The following NEXMIF variants were observed in gnomAD, a reference collection of about 807,000 sequenced individuals.
NEXMIF encodes the protein neurite extension and migration factor.
NEXMIF carries 8 observed loss-of-function variants against 62.1 expected under a neutral mutation model. The ratio of observed to expected loss-of-function variants is 0.13; its 90% CI spans 0.08 to 0.23. NEXMIF has a LOEUF of 0.23. Among genes scored for constraint, NEXMIF ranks in the 10% least tolerant of loss-of-function variants. NEXMIF has a pLI of 1.00. For missense variants in NEXMIF, 976 were observed against 1,113.3 expected (o/e 0.88, Z 1.75); for synonymous variants, 404 against 416.6 (o/e 0.97, Z 0.37).
chrX:74,848,040 G>A (rs778760584), intron 1 of NEXMIF, among the ~76,000 whole-genome samples: 1 of 110,791 alleles, frequency 9.0e-6, no homozygotes, highest in East Asian at 2.8e-4. Flanking sequence ...CTTATGTCTG[G>A]TCTAGACTGC....
intron 1 of NEXMIF, among the ~76,000 whole-genome samples, chrX:74,863,416 C>T (rs1326618176): frequency 9.0e-6 from 1 of 110,812 alleles, no homozygotes; most frequent in Admixed American, 9.6e-5. Flanking sequence ...ATCAAATAAA[C>T]ACAACAAAAA....
intron 1 of NEXMIF, among the ~76,000 whole-genome samples, chrX:74,748,235 A>G (rs1005135955): frequency 1.8e-5 from 2 of 112,093 alleles, no homozygotes; most frequent in African/African-American, 6.5e-5. Context: ...TGAGTATCAC[A>G]GATATTAACT....
intron 1 of NEXMIF, among the ~76,000 whole-genome samples, chrX:74,855,634 T>C (rs1475307841): frequency 8.9e-6 from 1 of 112,006 alleles, no homozygotes; most frequent in African/African-American, 3.2e-5. Flanking sequence ...GAAAAAGGCC[T>C]AAGCTCCCAC....
intron 1 of NEXMIF, among the ~76,000 whole-genome samples, chrX:74,750,361 G>A (rs1399926867): frequency 9.0e-6 from 1 of 111,693 alleles, no homozygotes; most frequent in Non-Finnish European, 1.9e-5. Context: ...AGAAATATCG[G>A]TGCCAGGATC....
At chrX:74,765,494 C>A (rs188266978) in intron 1 of NEXMIF, among the ~76,000 whole-genome samples, 2 of 111,609 alleles carry the variant, frequency 1.8e-5, no homozygotes, top group Non-Finnish European at 1.9e-5. Context: ...TTATGCCTAC[C>A]TGTTTGTGTG....
chrX:74,922,438 G>A (rs973325170), intron 1 of NEXMIF, among the ~76,000 whole-genome samples: 2 of 111,564 alleles, frequency 1.8e-5, no homozygotes, highest in African/African-American at 3.3e-5. Flanking sequence ...CTTGACATAT[G>A]TCAAATTCTG....
At chrX:74,784,628 A>G (rs2080255457) in intron 1 of NEXMIF, among the ~76,000 whole-genome samples, 1 of 110,132 alleles carries the variant, frequency 9.1e-6, no homozygotes, top group South Asian at 3.8e-4. Context: ...ATATATATAT[A>G]TACACACATA....
chrX:74,923,687 G>A (rs2080834083), intron 1 of NEXMIF, among the ~76,000 whole-genome samples: 1 of 111,552 alleles, frequency 9.0e-6, no homozygotes, highest in Admixed American at 9.5e-5. Context: ...AATATTCCAG[G>A]AACTCCTCCA....
chrX:74,922,165 C>T (rs2080829188), intron 1 of NEXMIF, among the ~76,000 whole-genome samples: 1 of 111,743 alleles, frequency 8.9e-6, no homozygotes, highest in African/African-American at 3.3e-5. Context: ...TCTTCTCCCA[C>T]CTCCTAAACA....
intron 1 of NEXMIF, among the ~76,000 whole-genome samples, chrX:74,842,948 G>A (rs1327981883): frequency 8.9e-6 from 1 of 111,885 alleles, no homozygotes; most frequent in Non-Finnish European, 1.9e-5. Context: ...TGTACATTCT[G>A]TTGTTTGCGG....
In NEXMIF at chrX:74,850,538, C is replaced by A. The variant is rs772304511; in HGVS notation, c.-48+74345G>T. On this transcript the variant is annotated intron_variant, in intron 1 of 3. Transcript: ENST00000055682. ...CATTCCTACCTGGCATCCCAGTGCC[C>A]AGCAAAGCTTCACCACAGCCTTCAC... 4.5e-5 allele frequency among the ~76,000 whole-genome samples: 5 copies of A among 112,101 alleles called. No individual in the cohort carries two copies. In the South Asian group the frequency reaches 1.9e-3, roughly 42 times the overall value.
chrX:74,905,927 G>T (rs1468396177), intron 1 of NEXMIF, among the ~76,000 whole-genome samples: 2 of 111,781 alleles, frequency 1.8e-5, no homozygotes, highest in Non-Finnish European at 1.9e-5. Context: ...AAATTTTCAT[G>T]GATTCTTTTG....
At chrX:74,899,443 C>T (rs1486419592) in intron 1 of NEXMIF, among the ~76,000 whole-genome samples, 1 of 111,068 alleles carries the variant, frequency 9.0e-6, no homozygotes, top group Admixed American at 9.6e-5. Context: ...TAATGGACTA[C>T]CCAAGAAAGA....
intron 1 of NEXMIF, among the ~76,000 whole-genome samples, chrX:74,906,342 T>C (rs903560706): frequency 2.7e-5 from 3 of 109,899 alleles, no homozygotes; most frequent in Admixed American, 9.7e-5. Flanking sequence ...TGGGATAAGA[T>C]AGAAGCTCTG....
chrX:74,879,188 C>T (rs995645149), intron 1 of NEXMIF, among the ~76,000 whole-genome samples: 8 of 112,102 alleles, frequency 7.1e-5, no homozygotes, highest in Non-Finnish European at 1.3e-4. Context: ...TGTGTAAGTA[C>T]ACTCTATGAT....
At chrX:74,822,171 C>T (rs1046625451) in intron 1 of NEXMIF, among the ~76,000 whole-genome samples, 1 of 111,571 alleles carries the variant, frequency 9.0e-6, no homozygotes, top group Admixed American at 9.6e-5. Context: ...CTTCCTCACA[C>T]CATACTTAAA....
At chrX:74,749,041 G>C (rs1402927862) in intron 1 of NEXMIF, among the ~76,000 whole-genome samples, 1 of 111,470 alleles carries the variant, frequency 9.0e-6, no homozygotes. Flanking sequence ...GATAAATGAG[G>C]CTAGATCTCT....
At chrX:74,751,884 A>G (rs1401503319) in intron 1 of NEXMIF, among the ~76,000 whole-genome samples, 3 of 91,548 alleles carry the variant, frequency 3.3e-5, no homozygotes, top group Non-Finnish European at 6.3e-5. Context: ...CTCTATCCCC[A>G]AGGCTGGAGT....
At chrX:74,739,567 C>A in intron 3 of NEXMIF, 69 bp from the exon 4 acceptor site, 1 of 663,893 alleles carries the variant, frequency 1.5e-6, no homozygotes, top group Non-Finnish European at 2.3e-6. Context: ...AGGGATCATA[C>A]AAGCTAAATT....
Sources: gnomAD v4.1 joint callset for allele counts (sites outside exome capture counted in the v4.1 genomes callset) on GRCh38, gnomAD v4.1.1 for gene constraint, MANE v1.5 for transcripts, NCBI Gene and HGNC (gene_info 2026-07-23, HGNC 2026-07-21) for gene names.